Variants in MINK1 observed in about 807,000 individuals in gnomAD.
The protein encoded by MINK1 is misshapen-like kinase 1.
Under a neutral mutation model 178.4 loss-of-function variants are expected in MINK1, and 46 were observed. The ratio of observed to expected loss-of-function variants is 0.26; its 90% confidence interval spans 0.20 to 0.33. The LOEUF (loss-of-function observed/expected upper bound fraction) is 0.33. MINK1 is among the 10% of genes least tolerant of loss of function. The pLI is 1.00. For synonymous variants in MINK1, 797 were observed against 709.7 expected (o/e 1.12, Z -1.96); for missense variants, 1,366 against 1,814.9 (o/e 0.75, Z 4.49).
rs1968898692 is a variant in MINK1 at position 4,892,230 on chromosome 17, G to A, written c.2083G>A (p.Ala695Thr). Residue 695 changes from alanine (A) to threonine (T), a missense_variant, in exon 17 of 32, where the codon GCC becomes ACC. Ala to Thr is a moderately conservative substitution (Grantham distance 58). Coordinates refer to ENST00000355280, the MANE Select transcript of MINK1 (RefSeq NM_153827.5). ...GGSRPAQAVRARPRSNSAWQI... is the reference protein window; with the variant it reads ...GGSRPAQAVRTRPRSNSAWQI... ...GTCCCGGCCAGCCCAGGCAGTCCGTGCCAGGTAATGCCTGGGTAGGGCAAC... is the reference window on the plus strand; with the variant it reads ...GTCCCGGCCAGCCCAGGCAGTCCGTACCAGGTAATGCCTGGGTAGGGCAAC... The A allele has an allele frequency of 6.3e-7, 1 of 1,577,784 alleles. No individual in the cohort carries two copies. The highest frequency in any genetic ancestry group is 1.2e-5 in the South Asian group (1 of 86,490).
intron 1 of MINK1, among the ~76,000 whole-genome samples, chr17:4,876,305 A>G (rs1285738238): frequency 1.4e-4 from 22 of 152,146 alleles, no homozygotes; most frequent in Admixed American, 1.4e-3. Context: ...GTGAGCAAGG[A>G]GGGCTCAGTC....
chr17:4,861,748 G>A (rs75604955), intron 1 of MINK1: 24,247 of 200,462 alleles, frequency 0.12, 1,886 homozygotes, highest in African/African-American at 0.23. Flanking sequence ...TAATCCACTC[G>A]CCTCAGCCTC....
rs1388036327 is a variant in MINK1 at position 4,836,594 on chromosome 17, G to A, written c.57+2954G>A. ...TCTAAGCTTCATTCAGTCCTGTATC[G>A]TGGGCATGGTAATAGTACTGAATGC... On this transcript the variant is annotated intron_variant, in intron 1 of 31. Coordinates refer to ENST00000355280, the MANE Select transcript of MINK1 (RefSeq NM_153827.5). The surrounding 1 kb of genome is among the most constrained non-coding windows in gnomAD (Gnocchi z 4.3). Among the ~76,000 whole-genome samples, 3 of 152,098 alleles carry A rather than the reference G, an allele frequency of 2.0e-5. No homozygotes were observed. Among genetic ancestry groups the A allele is most frequent in the Admixed American group, 6.5e-5 (1 of 15,274 alleles).
At chr17:4,892,913 C>T (rs1597574461) in intron 19 of MINK1, 66 bp from the exon 20 acceptor site, 2 of 1,449,716 alleles carry the variant, frequency 1.4e-6, no homozygotes, top group Non-Finnish European at 1.9e-6. Flanking sequence ...TTCTGGGGCT[C>T]AGGGTGTGGG....
In MINK1 at chr17:4,885,430, C is replaced by A; in HGVS notation, c.509-53C>A. On this transcript the variant is annotated intron_variant, in intron 6 of 31. Coordinates refer to ENST00000355280, the MANE Select transcript of MINK1 (RefSeq NM_153827.5). The surrounding 1 kb of genome is among the most constrained non-coding windows in gnomAD (Gnocchi z 5.0). ...TGTGTGTGCACGCAGGGATGTGAGG[C>A]AAGGGAGCAGAGGTGACTCCCCACA... 6.3e-7 allele frequency: 1 copy of A among 1,598,960 alleles called. No homozygotes were observed. Among genetic ancestry groups the A allele is most frequent in the South Asian group, 1.1e-5 (1 of 88,438 alleles).
Position 4,892,128 on chromosome 17 carries a change from C to A in MINK1, c.2002-21C>A, listed in dbSNP as rs376699611. The A allele has an allele frequency of 3.8e-6, 6 of 1,570,842 alleles. 1 individual carries two copies. The East Asian group carries it at 1.4e-4, about 37-fold the overall frequency. The stretch of plus-strand genomic sequence containing the variant: ...TGCCTGTCGCAGCGCCAGCTCGCAG[C>A]ACGTGGACTTCTCTCCACAGGTGCC... On this transcript the variant is annotated intron_variant, in intron 16 of 31. Transcript: ENST00000355280.
chr17:4,893,280 TC>T (rs1377194722), intron 20 of MINK1, 153 bp from the exon 21 acceptor site: 1 of 1,613,752 alleles, frequency 6.2e-7, no homozygotes, highest in Non-Finnish European at 8.5e-7. Context: ...CTGCGGCCCC[TC>T]CCAGAGCTAT....
Position 4,891,056 on chromosome 17 carries a change from C to G in MINK1, c.1672C>G (p.Pro558Ala). ...CCCCATCCCCCAGGCCTCCCCAGGG[C>G]CCCCAGGACCCCTTTCCCAGACTCC... is the stretch of plus-strand genomic sequence containing the variant. ...EPPIPQASPGPPGPLSQTPPM... is the reference protein window; with the variant it reads ...EPPIPQASPGAPGPLSQTPPM... Residue 558 changes from proline (P) to alanine (A), a missense_variant, in exon 15 of 32, where the codon CCC (proline) becomes GCC (alanine). Coordinates refer to ENST00000355280, the MANE Select transcript of MINK1 (RefSeq NM_153827.5). The G allele has an allele frequency of 6.4e-7, 1 of 1,553,794 alleles. No homozygotes were observed. Among genetic ancestry groups the G allele is most frequent in the Non-Finnish European group, 8.7e-7 (1 of 1,148,808 alleles).
intron 3 of MINK1, 45 bp downstream of exon 3, chr17:4,881,085 G>C: frequency 1.3e-6 from 2 of 1,536,416 alleles, no homozygotes; most frequent in Non-Finnish European, 8.7e-7. Context: ...CCAGCGAGAA[G>C]GGAGTGTTGG....
Position 4,895,556 on chromosome 17 carries a change from C to A in MINK1, c.3229+63C>A. 6.4e-7 allele frequency: 1 copy of A among 1,550,598 alleles called. No homozygotes were observed. On this transcript the variant is annotated intron_variant, in intron 26 of 31. Coordinates refer to ENST00000355280, the MANE Select transcript of MINK1 (RefSeq NM_153827.5). This position sits in a 1 kb window ranked among gnomAD's most constrained non-coding sequence, Gnocchi z 4.3. ...AGCTCCTTGGCGCTGTCACCATCTT[C>A]TGCCTGGGAGGAGGGCAGGCACTGG... is the stretch of plus-strand genomic sequence containing the variant.
At chr17:4,866,796 G>A (rs3893284) in intron 1 of MINK1, among the ~76,000 whole-genome samples, 11,279 of 150,996 alleles carry the variant, frequency 0.075, 461 homozygotes, top group Non-Finnish European at 0.094. Flanking sequence ...AAACTCGATC[G>A]GGCGCGGTGG....
At position 4,886,757 on chromosome 17, in the gene MINK1, T is replaced by G; in HGVS notation, c.949+131T>G. ...CCCCAGCTCTCCCTGTCCAAGGAGA[T>G]CGTTCTCAAACTTGCAACCCCCAAG... is the stretch of plus-strand genomic sequence containing the variant. On this transcript the variant is annotated intron_variant, in intron 10 of 31. Transcript: ENST00000355280. This position sits in a 1 kb window ranked among gnomAD's most constrained non-coding sequence, Gnocchi z 6.1. The G allele has an allele frequency of 9.1e-7, 1 of 1,093,910 alleles. No individual in the cohort carries two copies. The highest frequency in any genetic ancestry group is 1.3e-6 in the Non-Finnish European group (1 of 790,926). 67.8% of individuals were successfully genotyped at this position (1,093,910 alleles called of 1,614,324 possible).
intron 1 of MINK1, among the ~76,000 whole-genome samples, chr17:4,837,300 A>C (rs960526658): frequency 1.3e-5 from 2 of 152,224 alleles, no homozygotes; most frequent in African/African-American, 4.8e-5. Context: ...ATGGGGGCTC[A>C]AACGTTTGTT....
intron 1 of MINK1, among the ~76,000 whole-genome samples, chr17:4,869,858 A>T (rs1915635972): frequency 7.6e-6 from 1 of 131,184 alleles, no homozygotes. Context: ...TATTTTTGAG[A>T]CAGAGTCTCA....
intron 1 of MINK1, among the ~76,000 whole-genome samples, chr17:4,857,617 C>T (rs1468831791): frequency 1.3e-5 from 2 of 151,962 alleles, no homozygotes; most frequent in African/African-American, 4.8e-5. Context: ...TAGGCACGCA[C>T]CACCATGCCC....
At chr17:4,893,793 C>A in intron 21 of MINK1, 195 bp from the exon 22 acceptor site, 1 of 948,350 alleles carries the variant, frequency 1.1e-6, no homozygotes. Context: ...AAGTGCCTGT[C>A]TGCCCCTGTG....
At chr17:4,874,508 A>G (rs1008022462) in intron 1 of MINK1, among the ~76,000 whole-genome samples, 1 of 152,190 alleles carries the variant, frequency 6.6e-6, no homozygotes, top group Non-Finnish European at 1.5e-5. Flanking sequence ...GAAGGAAGAC[A>G]TGGGGGAGGC....
At chr17:4,839,204 A>G (rs1376725779) in intron 1 of MINK1, among the ~76,000 whole-genome samples, 19 of 152,056 alleles carry the variant, frequency 1.2e-4, no homozygotes, top group Admixed American at 1.2e-3. Context: ...CAGCCTCCCA[A>G]AGTGCTGGGA....
chr17:4,849,030 A>G (rs1018156441), intron 1 of MINK1, among the ~76,000 whole-genome samples: 5 of 152,058 alleles, frequency 3.3e-5, no homozygotes, highest in African/African-American at 1.2e-4. Context: ...GAAAGAGAAA[A>G]CCACCCAGTC....
Sources: gnomAD v4.1 joint callset for allele counts (sites outside exome capture counted in the v4.1 genomes callset) on GRCh38, gnomAD v4.1.1 for gene constraint, Gnocchi (gnomAD v3.1) non-coding constraint, MANE v1.5 for transcripts, NCBI Gene and HGNC (gene_info 2026-07-23, HGNC 2026-07-21) for gene names.